GFRA1: variants seen among roughly 807,000 people sequenced by gnomAD.
GFRA1 encodes the protein GDNF family receptor alpha-1.
Under a neutral mutation model 51.6 loss-of-function variants are expected in GFRA1, and 16 were observed. That is an observed-to-expected ratio of 0.31 (90% CI 0.21 to 0.47). The LOEUF (loss-of-function observed/expected upper bound fraction) is 0.47, where lower values mean the gene tolerates loss of function less well. Among genes scored for constraint, GFRA1 ranks in the 20% least tolerant of loss-of-function variants. GFRA1 has a pLI of 1.00. For missense variants in GFRA1, 530 were observed against 594.3 expected (o/e 0.89, Z 1.13); for synonymous variants, 270 against 241.3 (o/e 1.12, Z -1.10).
intron 6 of GFRA1, among the ~76,000 whole-genome samples, chr10:116,103,055 A>G (rs575270742): frequency 7.9e-5 from 12 of 152,300 alleles, no homozygotes; most frequent in African/African-American, 2.9e-4. Context: ...GGAGTGACAC[A>G]ATCTTGTGTC....
At chr10:116,184,343 T>C (rs1380765721) in intron 5 of GFRA1, among the ~76,000 whole-genome samples, 5 of 152,016 alleles carry the variant, frequency 3.3e-5, no homozygotes, top group African/African-American at 1.2e-4. Flanking sequence ...AATGGAGAGG[T>C]CCACGCAGCT....
intron 4 of GFRA1, among the ~76,000 whole-genome samples, chr10:116,258,706 T>G (rs1483984923): frequency 2.6e-5 from 4 of 152,122 alleles, no homozygotes; most frequent in African/African-American, 9.7e-5. Flanking sequence ...TTATTAAGTA[T>G]GTGCCCCCAA....
intron 7 of GFRA1, among the ~76,000 whole-genome samples, chr10:116,095,311 C>T (rs1417447550): frequency 3.9e-5 from 6 of 152,220 alleles, no homozygotes; most frequent in Non-Finnish European, 8.8e-5. Context: ...AAGATGTAGA[C>T]ACTGTTAGCA....
At chr10:116,196,011 C>T (rs1963711102) in intron 5 of GFRA1, among the ~76,000 whole-genome samples, 1 of 152,056 alleles carries the variant, frequency 6.6e-6, no homozygotes, top group Non-Finnish European at 1.5e-5. Flanking sequence ...GATTCAATAA[C>T]ACCTGGCCCT....
chr10:116,273,690 T>G (rs1430535615), upstream of GFRA1, among the ~76,000 whole-genome samples: 2 of 146,970 alleles, frequency 1.4e-5, no homozygotes, highest in Non-Finnish European at 3.0e-5. Flanking sequence ...TCTCTCTCTC[T>G]CTCTCACACA....
intron 4 of GFRA1, among the ~76,000 whole-genome samples, chr10:116,234,903 T>C (rs1966849944): frequency 6.6e-6 from 1 of 152,150 alleles, no homozygotes; most frequent in Admixed American, 6.5e-5. Context: ...AGTGAGTGAG[T>C]TCTCATAAGA....
chr10:116,075,197 T>C (rs925488697), intron 9 of GFRA1, among the ~76,000 whole-genome samples: 1 of 152,104 alleles, frequency 6.6e-6, no homozygotes, highest in African/African-American at 2.4e-5. Context: ...GTCTTTCTCA[T>C]TTTTTGAGAA....
intron 5 of GFRA1, among the ~76,000 whole-genome samples, chr10:116,205,552 C>A (rs904026703): frequency 6.9e-6 from 1 of 145,248 alleles, no homozygotes; most frequent in East Asian, 2.0e-4. Flanking sequence ...TCTAGCCTGG[C>A]GACAGAGCTA....
intron 9 of GFRA1, among the ~76,000 whole-genome samples, chr10:116,086,221 C>CTGTT (rs1218062661): frequency 5.3e-5 from 8 of 152,150 alleles, no homozygotes; most frequent in Non-Finnish European, 1.5e-5. Context: ...AACTACACAC[C>CTGTT]TGTTAGTGTA....
intron 6 of GFRA1, among the ~76,000 whole-genome samples, chr10:116,105,530 T>G (rs1056829458): frequency 1.3e-5 from 2 of 152,204 alleles, no homozygotes; most frequent in Non-Finnish European, 2.9e-5. Context: ...TGGCTTCATT[T>G]AATTATTTAC....
intron 9 of GFRA1, among the ~76,000 whole-genome samples, chr10:116,074,583 G>A (rs1313697977): frequency 6.6e-6 from 1 of 152,190 alleles, no homozygotes; most frequent in Admixed American, 6.5e-5. Flanking sequence ...CCTCCAAGAT[G>A]CCAGTGGTGA....
At chr10:116,079,556 C>T (rs1955761325) in intron 9 of GFRA1, among the ~76,000 whole-genome samples, 1 of 152,054 alleles carries the variant, frequency 6.6e-6, no homozygotes, top group African/African-American at 2.4e-5. Flanking sequence ...TGCGCTTCTG[C>T]CCCCTGGAGA....
chr10:116,268,162 G>A (rs1969822485), intron 4 of GFRA1, among the ~76,000 whole-genome samples: 1 of 152,176 alleles, frequency 6.6e-6, no homozygotes, highest in Non-Finnish European at 1.5e-5. Flanking sequence ...ACCACACTCT[G>A]AGTAGCAAAG....
intron 4 of GFRA1, among the ~76,000 whole-genome samples, chr10:116,229,802 G>A (rs1175040424): frequency 6.6e-6 from 1 of 152,196 alleles, no homozygotes; most frequent in Non-Finnish European, 1.5e-5. Flanking sequence ...TGGTGGGAGG[G>A]ATGGCTGGGC....
At chr10:116,274,115 C>A (rs1449334710), upstream of GFRA1, among the ~76,000 whole-genome samples, 1 of 152,142 alleles carries the variant, frequency 6.6e-6, no homozygotes, top group South Asian at 2.1e-4. Context: ...TGTACACAGC[C>A]CTTCGCCCCA....
At chr10:116,090,374 C>A (rs1474923983) in intron 8 of GFRA1, among the ~76,000 whole-genome samples, 1 of 143,008 alleles carries the variant, frequency 7.0e-6, no homozygotes, top group African/African-American at 2.6e-5. Flanking sequence ...AATCATGAGA[C>A]TGAGGCAATT....
At chr10:116,110,662 A>G (rs1565582620) in intron 6 of GFRA1, among the ~76,000 whole-genome samples, 1 of 152,202 alleles carries the variant, frequency 6.6e-6, no homozygotes, top group Non-Finnish European at 1.5e-5. Flanking sequence ...TCAGCTTTGT[A>G]GCCTGGCACC....
chr10:116,236,223 G>T (rs1410429370), intron 4 of GFRA1, among the ~76,000 whole-genome samples: 1 of 152,084 alleles, frequency 6.6e-6, no homozygotes, highest in Non-Finnish European at 1.5e-5. Context: ...AGGGGGACCT[G>T]CACTCCCTTC....
intron 5 of GFRA1, among the ~76,000 whole-genome samples, chr10:116,200,204 C>T (rs1025553066): frequency 6.6e-6 from 1 of 152,208 alleles, no homozygotes; most frequent in African/African-American, 2.4e-5. Context: ...TAGACACATG[C>T]TTTCATTTCT....
Sources: allele counts gnomAD v4.1 joint callset (sites outside exome capture counted in the v4.1 genomes callset), GRCh38; gene constraint gnomAD v4.1.1; transcripts MANE v1.5; gene names NCBI Gene and HGNC (gene_info 2026-07-23, HGNC 2026-07-21).